Variants in DRC8 observed in about 807,000 individuals in gnomAD.
DRC8 encodes dynein regulatory complex subunit 8, also known as dynein regulatory complex protein 8.
chr1:245,006,061 G>A, the DRC8 span, among the ~76,000 whole-genome samples: 2 of 152,200 alleles, frequency 1.3e-5, no homozygotes, highest in Non-Finnish European at 2.9e-5. Context: ...TTTGAGATAG[G>A]TAGGAGCCTA....
chr1:245,012,720 A>G, the DRC8 span, among the ~76,000 whole-genome samples: 1 of 152,212 alleles, frequency 6.6e-6, no homozygotes, highest in Admixed American at 6.5e-5. Flanking sequence ...ATATATCTAA[A>G]TATACACCTC....
chr1:245,016,978 G>A, the DRC8 span, among the ~76,000 whole-genome samples: 5 of 152,288 alleles, frequency 3.3e-5, no homozygotes, highest in South Asian at 8.3e-4. Flanking sequence ...ATGAGTATAT[G>A]CGTATGTAAA....
chr1:245,037,837 A>G, the DRC8 span, among the ~76,000 whole-genome samples: 1 of 152,240 alleles, frequency 6.6e-6, no homozygotes, highest in Non-Finnish European at 1.5e-5. Flanking sequence ...GCGTTCACCT[A>G]TACAAACAAT....
chr1:245,044,795 G>C, the DRC8 span, among the ~76,000 whole-genome samples: 1 of 151,886 alleles, frequency 6.6e-6, no homozygotes. Flanking sequence ...GGTCAGGCTG[G>C]TCTTGAACTC....
chr1:245,029,442 C>T, the DRC8 span, among the ~76,000 whole-genome samples: 1 of 152,012 alleles, frequency 6.6e-6, no homozygotes, highest in Non-Finnish European at 1.5e-5. Context: ...GGATTACAGG[C>T]ACCCGCCACC....
chr1:244,998,866 G>A, the DRC8 span, among the ~76,000 whole-genome samples: 623 of 152,102 alleles, frequency 4.1e-3, 4 homozygotes, highest in South Asian at 0.012. Flanking sequence ...TACCTGCTTA[G>A]GATTCAAAAT....
chr1:245,076,906 T>A, the DRC8 span, among the ~76,000 whole-genome samples: 2 of 152,088 alleles, frequency 1.3e-5, no homozygotes, highest in Non-Finnish European at 2.9e-5. Context: ...TTTGTATTTT[T>A]AGTAGAGATG....
chr1:245,085,033 A>G, the DRC8 span, among the ~76,000 whole-genome samples: 1 of 152,254 alleles, frequency 6.6e-6, no homozygotes, highest in Admixed American at 6.5e-5. Context: ...ACATGAATTT[A>G]GTCAAAATGG....
the DRC8 span, among the ~76,000 whole-genome samples, chr1:245,106,707 A>G: frequency 6.6e-6 from 1 of 152,198 alleles, no homozygotes; most frequent in East Asian, 1.9e-4. Flanking sequence ...ACCAGGATTA[A>G]CCAGATAATT....
At chr1:245,088,892 T>G in the DRC8 span, among the ~76,000 whole-genome samples, 1 of 151,850 alleles carries the variant, frequency 6.6e-6, no homozygotes, top group African/African-American at 2.4e-5. This position sits in a 1 kb window ranked among gnomAD's most constrained non-coding sequence, Gnocchi z 4.6. Context: ...TGTGGGAGAT[T>G]TGGGGGTCAT....
At chr1:245,063,883 C>T in the DRC8 span, among the ~76,000 whole-genome samples, 24 of 152,088 alleles carry the variant, frequency 1.6e-4, no homozygotes, top group Admixed American at 5.9e-4. Flanking sequence ...CCACCACACC[C>T]GGCTAATTTT....
At chr1:245,100,122 C>T in the DRC8 span, among the ~76,000 whole-genome samples, 3 of 152,274 alleles carry the variant, frequency 2.0e-5, no homozygotes, top group South Asian at 2.1e-4. Flanking sequence ...CGGTGGCTCA[C>T]GCCTGTAATC....
chr1:244,974,879 A>C, the DRC8 span, among the ~76,000 whole-genome samples: 1 of 151,560 alleles, frequency 6.6e-6, no homozygotes, highest in African/African-American at 2.4e-5. Context: ...TAATTTGTAG[A>C]GACAGGGTTT....
chr1:244,987,104 A>G, the DRC8 span, among the ~76,000 whole-genome samples: 1 of 152,188 alleles, frequency 6.6e-6, no homozygotes, highest in African/African-American at 2.4e-5. Flanking sequence ...CTTTTAAGTT[A>G]GAATGTATTT....
chr1:245,108,712 A>G, the DRC8 span, among the ~76,000 whole-genome samples: 1 of 151,978 alleles, frequency 6.6e-6, no homozygotes, highest in South Asian at 2.1e-4. Context: ...TGTCCAACCT[A>G]GACCACAGGC....
chr1:245,096,639 T>C, the DRC8 span, among the ~76,000 whole-genome samples: 1 of 152,242 alleles, frequency 6.6e-6, no homozygotes, highest in Non-Finnish European at 1.5e-5. Flanking sequence ...AGCAGCTGGC[T>C]CTGCCTGTGG....
At chr1:245,110,385 AAAAACAAAACAAAAC>A in the DRC8 span, among the ~76,000 whole-genome samples, 5 of 151,332 alleles carry the variant, frequency 3.3e-5, no homozygotes, top group Admixed American at 6.6e-5. Context: ...TTCCTTCTCA[AAAAACAAAACAAAAC>A]AAAACAAAAC....
the DRC8 span, among the ~76,000 whole-genome samples, chr1:245,016,567 G>A: frequency 1.5e-4 from 23 of 152,118 alleles, no homozygotes; most frequent in Admixed American, 3.9e-4. Flanking sequence ...GTATTTTATC[G>A]AATATTACGA....
At chr1:245,081,669 A>G in the DRC8 span, among the ~76,000 whole-genome samples, 3 of 151,716 alleles carry the variant, frequency 2.0e-5, no homozygotes, top group Admixed American at 1.3e-4. Context: ...GGGTTTCACC[A>G]TGTTGGCCAA....
Sources: allele counts gnomAD v4.1 joint callset (sites outside exome capture counted in the v4.1 genomes callset), GRCh38; gene constraint gnomAD v4.1.1; non-coding constraint Gnocchi (gnomAD v3.1); transcripts MANE v1.5; gene names NCBI Gene and HGNC (gene_info 2026-07-23, HGNC 2026-07-21).